The following PCDHA1 variants were observed in gnomAD, a reference collection of about 807,000 sequenced individuals.
The protein encoded by PCDHA1 is protocadherin alpha 1.
A neutral mutation model predicts 61.3 loss-of-function variants in PCDHA1; 42 were observed. The ratio of observed to expected loss-of-function variants is 0.69; its 90% confidence interval spans 0.54 to 0.89. The LOEUF (loss-of-function observed/expected upper bound fraction) is 0.89. PCDHA1 is among the 40% of genes least tolerant of loss of function. The probability of loss-of-function intolerance (pLI) is 0.00; values close to 1 mark genes in which losing one functional copy is unlikely to be tolerated. For missense variants in PCDHA1, 1,256 were observed against 1,235.3 expected (o/e 1.02, Z -0.25); for synonymous variants, 610 against 553.8 (o/e 1.10, Z -1.43).
chr5:140,968,080 G>A (rs782815703), intron 1 of PCDHA1: 14 of 1,614,102 alleles, frequency 8.7e-6, no homozygotes, highest in Middle Eastern at 1.7e-4. Context: ...ACAACATCAC[G>A]GTGACAGCCA....
intron 1 of PCDHA1, among the ~76,000 whole-genome samples, chr5:140,893,180 C>G (rs1388898676): frequency 6.6e-6 from 1 of 152,208 alleles, no homozygotes; most frequent in Non-Finnish European, 1.5e-5. Context: ...CACATAGTAG[C>G]TATTGTGAAT....
chr5:140,803,786 T>G, intron 1 of PCDHA1: 1 of 862,140 alleles, frequency 1.2e-6, no homozygotes, highest in Non-Finnish European at 1.7e-6. Context: ...CAGTAAGTTA[T>G]GATATCCACA....
chr5:140,835,671 G>T (rs1489343208), intron 1 of PCDHA1: 8 of 1,613,790 alleles, frequency 5.0e-6, no homozygotes, highest in Non-Finnish European at 6.8e-6. Context: ...CGCGCGGGAC[G>T]GGGGCTCGCC....
chr5:140,828,909 C>A (rs2150160610), intron 1 of PCDHA1: 4 of 1,614,190 alleles, frequency 2.5e-6, no homozygotes, highest in South Asian at 1.1e-5. Context: ...GATGAAGGAG[C>A]GAATGGGGCA....
Position 140,786,842 on chromosome 5 carries a change from A to G in PCDHA1, c.552A>G (p.Ala184=). The G allele has an allele frequency of 3.1e-6, 5 of 1,614,186 alleles. No homozygotes were observed. The highest frequency in any genetic ancestry group is 4.2e-6 in the Non-Finnish European group (5 of 1,180,018). ...PSDYFSLDVE[A]SDELSKSLWL... is the part of the protein sequence containing the mutation. ...ATTATTTCTCTTTGGATGTAGAGGC[A>G]AGTGATGAACTGAGTAAATCTCTTT... Residue 184 remains alanine (A), a synonymous_variant, in exon 1 of 4, where the codon GCA becomes GCG. Coordinates refer to ENST00000504120, the MANE Select transcript of PCDHA1 (RefSeq NM_018900.4).
intron 1 of PCDHA1, chr5:140,862,939 T>G (rs2047666977): frequency 1.8e-6 from 1 of 541,782 alleles, no homozygotes; most frequent in South Asian, 1.4e-5. Flanking sequence ...GCGCTGTGAG[T>G]GAGCTGGTGC....
chr5:140,925,612 G>A (rs895763627), intron 1 of PCDHA1, among the ~76,000 whole-genome samples: 2 of 150,356 alleles, frequency 1.3e-5, no homozygotes, highest in Non-Finnish European at 3.0e-5. Flanking sequence ...AAACCTGCAC[G>A]TTGTGCACAT....
chr5:140,989,538 T>G (rs1254500205), intron 3 of PCDHA1, among the ~76,000 whole-genome samples: 3 of 152,180 alleles, frequency 2.0e-5, no homozygotes, highest in Non-Finnish European at 4.4e-5. Flanking sequence ...GAAGATAGTT[T>G]GTAATTCCTT....
chr5:140,832,598 C>A (rs868938084), intron 1 of PCDHA1, among the ~76,000 whole-genome samples: 1 of 152,252 alleles, frequency 6.6e-6, no homozygotes, highest in African/African-American at 2.4e-5. Flanking sequence ...AGAACTATAG[C>A]GTTGCTAGTG....
chr5:140,810,836 A>G (rs1562230266), intron 1 of PCDHA1: 1 of 152,108 alleles, frequency 6.6e-6, no homozygotes, highest in East Asian at 1.9e-4. Flanking sequence ...ATAGAAAGTC[A>G]TAATTTTGAT....
chr5:140,827,859 T>C (rs1769432236), intron 1 of PCDHA1: 1 of 511,426 alleles, frequency 2.0e-6, no homozygotes, highest in South Asian at 3.9e-5. Context: ...TAAAAATATA[T>C]GGTATAGCAC....
intron 1 of PCDHA1, chr5:140,802,179 C>G: frequency 6.2e-7 from 1 of 1,614,140 alleles, no homozygotes; most frequent in Non-Finnish European, 8.5e-7. Context: ...TAAAGGAAAT[C>G]CCCCAATGTC....
chr5:140,837,386 T>C (rs1207161935), intron 1 of PCDHA1, among the ~76,000 whole-genome samples: 1 of 152,036 alleles, frequency 6.6e-6, no homozygotes, highest in Non-Finnish European at 1.5e-5. Context: ...ATTTTGTTCC[T>C]TGTTTGTATA....
Position 140,848,316 on chromosome 5 carries a change from G to T in PCDHA1, c.2394+59632G>T, listed in dbSNP as rs2150408504. 15 of 742,766 alleles carry T rather than the reference G, an allele frequency of 2.0e-5. 1 individual carries two copies. The highest frequency in any genetic ancestry group is 7.0e-5 in the African/African-American group (4 of 57,284). 46.0% of individuals were successfully genotyped at this position (742,766 alleles called of 1,614,324 possible). A position where few individuals can be genotyped will look rare whatever the true frequency, so the allele number is the denominator to read the frequency against. ...GCCACGTGATGTCACTCTTTGCCGC[G>T]ATGTTCTCTCTGAATCCAGACAAAT... On this transcript the variant is annotated intron_variant, in intron 1 of 3. Transcript: ENST00000504120.
chr5:140,843,174 C>G (rs2150354431), intron 1 of PCDHA1: 17 of 1,596,086 alleles, frequency 1.1e-5, no homozygotes, highest in African/African-American at 9.4e-5. Context: ...GCAAGCAGCC[C>G]TCGCATCCCG....
intron 1 of PCDHA1, among the ~76,000 whole-genome samples, chr5:140,969,831 G>A (rs559083785): frequency 3.9e-4 from 60 of 152,296 alleles, no homozygotes; most frequent in African/African-American, 1.4e-3. Context: ...TGTCTACAGT[G>A]GAAATTATCT....
At chr5:140,903,370 G>A (rs1185137848) in intron 1 of PCDHA1, among the ~76,000 whole-genome samples, 8 of 152,136 alleles carry the variant, frequency 5.3e-5, no homozygotes, top group African/African-American at 1.9e-4. Flanking sequence ...AAAAATATAG[G>A]GAGGATTGTG....
chr5:140,952,821 A>G (rs269545), intron 1 of PCDHA1, among the ~76,000 whole-genome samples: 31,238 of 152,098 alleles, frequency 0.21, 3,965 homozygotes, highest in African/African-American at 0.36. Context: ...CTGTACAGGA[A>G]GCATGATGCT....
intron 1 of PCDHA1, among the ~76,000 whole-genome samples, chr5:140,933,894 A>G (rs2089494206): frequency 6.6e-6 from 1 of 151,894 alleles, no homozygotes; most frequent in Non-Finnish European, 1.5e-5. Context: ...ACTTTTGAAT[A>G]TTTTGGCATA....
Sources: gnomAD v4.1 joint callset for allele counts (sites outside exome capture counted in the v4.1 genomes callset) on GRCh38, gnomAD v4.1.1 for gene constraint, MANE v1.5 for transcripts, NCBI Gene and HGNC (gene_info 2026-07-23, HGNC 2026-07-21) for gene names.